The following SUPT3H variants were observed in gnomAD, a reference collection of about 807,000 sequenced individuals.
SUPT3H encodes the protein transcription initiation protein SPT3 homolog.
A neutral mutation model predicts 44.3 loss-of-function variants in SUPT3H; 44 were observed. That is an observed-to-expected ratio of 0.99 (90% CI 0.78 to 1.28). The LOEUF (loss-of-function observed/expected upper bound fraction) is 1.28, where lower values mean the gene tolerates loss of function less well. SUPT3H is among the 50% of genes most tolerant of loss of function. The pLI is 0.00. For missense variants in SUPT3H, 380 were observed against 387.1 expected (o/e 0.98, Z 0.15); for synonymous variants, 124 against 125.6 (o/e 0.99, Z 0.09).
intron 2 of SUPT3H, among the ~76,000 whole-genome samples, chr6:45,253,131 T>C (rs2153653738): frequency 6.6e-6 from 1 of 152,208 alleles, no homozygotes; most frequent in South Asian, 2.1e-4. Context: ...ACTATAAACA[T>C]ATAAGTTTAT....
chr6:45,150,500 C>T (rs1806757042), intron 2 of SUPT3H, among the ~76,000 whole-genome samples: 2 of 152,022 alleles, frequency 1.3e-5, no homozygotes, highest in African/African-American at 4.8e-5. Context: ...ATATTTTTCT[C>T]TAAACATTCA....
chr6:45,026,440 A>C (rs1292629907), intron 3 of SUPT3H, among the ~76,000 whole-genome samples: 1 of 150,480 alleles, frequency 6.6e-6, no homozygotes, highest in East Asian at 1.9e-4. Flanking sequence ...GTAGAATTAT[A>C]ATCTTAGTGG....
rs531992463 is a variant in SUPT3H, at chr6:45,332,087, C to T, written c.101+33114G>A. Among the ~76,000 whole-genome samples the T allele has an allele frequency of 1.5e-4, 23 of 152,052 alleles. No homozygotes were observed. In the East Asian group the frequency reaches 2.1e-3, roughly 14 times the overall value. Reference sequence around the variant, plus strand: ...ACTGTACTCCAATACTTTAAAGCAGCGCTAATCAATTACAAACCTTTTCTA... The same window carrying T: ...ACTGTACTCCAATACTTTAAAGCAGTGCTAATCAATTACAAACCTTTTCTA... On this transcript the variant is annotated intron_variant, in intron 2 of 10. Transcript: ENST00000371459.
chr6:45,235,776 C>T (rs187376868), intron 2 of SUPT3H, among the ~76,000 whole-genome samples: 13 of 152,162 alleles, frequency 8.5e-5, no homozygotes, highest in Admixed American at 3.3e-4. Context: ...ACCTCAAAAC[C>T]GGCCATAAAC....
chr6:44,832,748 A>C lies in SUPT3H; in HGVS notation c.913-2891T>G, dbSNP rs73735212. The stretch of plus-strand genomic sequence containing the variant: ...GACATTCATTTATTCATACAGTGCC[A>C]AATTACGACCTGTGCCAGAATGTCA... On this transcript the variant is annotated intron_variant, in intron 10 of 10. Transcript: ENST00000371459. Among the ~76,000 whole-genome samples, 716 of 152,194 alleles carry C rather than the reference A, an allele frequency of 4.7e-3. 11 individuals are homozygous for C. Among genetic ancestry groups the C allele is most frequent in the African/African-American group, 0.016 (685 of 41,544 alleles).
At chr6:45,282,018 G>A (rs1449486768) in intron 2 of SUPT3H, among the ~76,000 whole-genome samples, 1 of 152,186 alleles carries the variant, frequency 6.6e-6, no homozygotes, top group Non-Finnish European at 1.5e-5. Flanking sequence ...CAGACCTGCA[G>A]CTGAGGGTCC....
intron 9 of SUPT3H, among the ~76,000 whole-genome samples, chr6:44,940,536 G>T (rs1376728054): frequency 2.8e-4 from 42 of 152,094 alleles, no homozygotes; most frequent in Admixed American, 2.6e-3. Flanking sequence ...TTCTGTAAAT[G>T]ATTGTTGAAG....
At chr6:45,338,231 T>C (rs951959246) in intron 2 of SUPT3H, among the ~76,000 whole-genome samples, 7 of 152,080 alleles carry the variant, frequency 4.6e-5, no homozygotes, top group South Asian at 2.1e-4. Context: ...CCTCACATTA[T>C]GGTTCAGCAT....
chr6:45,107,850 A>G (rs539971048), intron 2 of SUPT3H, among the ~76,000 whole-genome samples: 45 of 152,346 alleles, frequency 3.0e-4, no homozygotes, highest in African/African-American at 9.9e-4. Flanking sequence ...ACCTGAATAA[A>G]TAAGTATCTA....
chr6:45,266,463 A>T (rs1775284984), intron 2 of SUPT3H, among the ~76,000 whole-genome samples: 1 of 152,004 alleles, frequency 6.6e-6, no homozygotes, highest in Non-Finnish European at 1.5e-5. Context: ...AAATATTTCT[A>T]GGATTGATGA....
intron 3 of SUPT3H, 85 bp from the exon 4 acceptor site, chr6:45,020,717 T>A (rs967975916): frequency 2.4e-5 from 21 of 873,948 alleles, no homozygotes; most frequent in Admixed American, 5.4e-5. Context: ...GAGATAAATA[T>A]ACTAAGAGTT....
chr6:45,328,707 T>C (rs755074236), intron 2 of SUPT3H: 104 of 1,611,546 alleles, frequency 6.5e-5, no homozygotes, highest in Non-Finnish European at 8.7e-5. Flanking sequence ...AAGTTCTATC[T>C]GAAAAAAAAA....
At chr6:45,148,167 A>G (rs1043453129) in intron 2 of SUPT3H, among the ~76,000 whole-genome samples, 30 of 152,166 alleles carry the variant, frequency 2.0e-4, no homozygotes, top group Admixed American at 1.3e-4. Context: ...ATTTCTCCAG[A>G]TGGGATGATT....
At chr6:45,046,277 T>C (rs1420622264) in intron 3 of SUPT3H, among the ~76,000 whole-genome samples, 2 of 152,178 alleles carry the variant, frequency 1.3e-5, no homozygotes, top group African/African-American at 4.8e-5. Flanking sequence ...TTCTGTTCCA[T>C]TGATGTATAT....
chr6:44,945,761 G>A (rs560426692), intron 9 of SUPT3H, among the ~76,000 whole-genome samples: 7 of 152,304 alleles, frequency 4.6e-5, no homozygotes, highest in African/African-American at 1.7e-4. Flanking sequence ...AAAGTGCAAG[G>A]TGAAGCAGCG....
At chr6:44,934,973 T>G (rs1163099897) in intron 9 of SUPT3H, among the ~76,000 whole-genome samples, 1 of 152,178 alleles carries the variant, frequency 6.6e-6, no homozygotes, top group East Asian at 1.9e-4. Flanking sequence ...TGACATTAAA[T>G]TATATTAAAA....
intron 10 of SUPT3H, among the ~76,000 whole-genome samples, chr6:44,830,397 T>A (rs1240968685): frequency 6.6e-6 from 1 of 152,112 alleles, no homozygotes; most frequent in Non-Finnish European, 1.5e-5. Flanking sequence ...GTATCAAAAA[T>A]GCAAATCTTA....
At chr6:45,186,196 C>G (rs531239604) in intron 2 of SUPT3H, among the ~76,000 whole-genome samples, 2 of 152,224 alleles carry the variant, frequency 1.3e-5, no homozygotes, top group Non-Finnish European at 2.9e-5. Context: ...AATATACTCA[C>G]CTAGCCCTCA....
chr6:44,951,714 G>A (rs189090063), intron 9 of SUPT3H, among the ~76,000 whole-genome samples: 117 of 152,290 alleles, frequency 7.7e-4, no homozygotes, highest in African/African-American at 2.7e-3. Context: ...GCCTAGGGCA[G>A]CTTGGCCACC....
Sources: allele counts gnomAD v4.1 joint callset (sites outside exome capture counted in the v4.1 genomes callset), GRCh38; gene constraint gnomAD v4.1.1; transcripts MANE v1.5; gene names NCBI Gene and HGNC (gene_info 2026-07-23, HGNC 2026-07-21).